The following NREP variants were observed in gnomAD, a reference collection of about 807,000 sequenced individuals.
NREP encodes the protein neuronal regeneration-related protein.
In NREP, 5 loss-of-function variants were observed where a neutral mutation model predicts 8.6. The observed-to-expected ratio is 0.58, with a 90% CI of 0.30 to 1.22. The LOEUF (loss-of-function observed/expected upper bound fraction) is 1.22, where lower values mean the gene tolerates loss of function less well. NREP is among the 50% of genes most tolerant of loss of function. NREP has a pLI of 0.07. For missense variants in NREP, 86 were observed against 82.5 expected, an observed-to-expected ratio of 1.04 and a Z score of -0.17; for synonymous variants, 27 against 28.0, an observed-to-expected ratio of 0.96 and a Z score of 0.11.
At chr5:111,745,555 C>G (rs1464959040) in intron 2 of NREP, among the ~76,000 whole-genome samples, 3 of 152,164 alleles carry the variant, frequency 2.0e-5, no homozygotes, top group Non-Finnish European at 4.4e-5. Flanking sequence ...ACAGTTCCTT[C>G]TCAGATGGCT....
chr5:111,871,394 G>A (rs1026271703), intron 2 of NREP, among the ~76,000 whole-genome samples: 9 of 152,228 alleles, frequency 5.9e-5, no homozygotes, highest in African/African-American at 2.2e-4. Flanking sequence ...GGAGCTTGCA[G>A]GACTAGAAGT....
At chr5:111,765,123 G>C (rs891934081) in intron 2 of NREP, among the ~76,000 whole-genome samples, 5 of 152,112 alleles carry the variant, frequency 3.3e-5, no homozygotes, top group African/African-American at 9.7e-5. Context: ...TGGAAGGTTG[G>C]GGGTATGGTT....
chr5:111,873,810 T>C (rs1753842978), intron 2 of NREP, among the ~76,000 whole-genome samples: 1 of 152,176 alleles, frequency 6.6e-6, no homozygotes, highest in African/African-American at 2.4e-5. Flanking sequence ...TGGATATCTT[T>C]GGTGGGGGGC....
intron 2 of NREP, among the ~76,000 whole-genome samples, chr5:111,737,805 C>T (rs535776741): frequency 1.3e-5 from 2 of 151,534 alleles, no homozygotes; most frequent in South Asian, 4.2e-4. Flanking sequence ...CAGCAAAACA[C>T]ACATGACTAA....
upstream of NREP, among the ~76,000 whole-genome samples, chr5:111,761,078 T>C (rs182112896): frequency 6.2e-4 from 94 of 152,352 alleles, no homozygotes; most frequent in African/African-American, 2.0e-3. Context: ...GGATAAGTCA[T>C]TTAACCTTTT....
chr5:111,844,904 T>A (rs1753121767), intron 2 of NREP, among the ~76,000 whole-genome samples: 2 of 151,566 alleles, frequency 1.3e-5, no homozygotes, highest in Non-Finnish European at 2.9e-5. Context: ...GTGATTGATA[T>A]ATTTATCTAT....
At chr5:111,807,834 A>G (rs1311848428) in intron 2 of NREP, among the ~76,000 whole-genome samples, 1 of 152,182 alleles carries the variant, frequency 6.6e-6, no homozygotes, top group African/African-American at 2.4e-5. Context: ...TTCCACAGAA[A>G]ATGTCTCAAG....
intron 2 of NREP, among the ~76,000 whole-genome samples, chr5:111,922,988 T>G (rs1023323992): frequency 9.9e-5 from 15 of 152,276 alleles, no homozygotes; most frequent in African/African-American, 3.6e-4. Flanking sequence ...CTGATGTCCT[T>G]TACAATGCAT....
chr5:111,855,777 G>C (rs895783633), intron 2 of NREP, among the ~76,000 whole-genome samples: 1 of 152,144 alleles, frequency 6.6e-6, no homozygotes, highest in Non-Finnish European at 1.5e-5. Context: ...CCTAGGGGTT[G>C]CAGGACCAGG....
intron 2 of NREP, among the ~76,000 whole-genome samples, chr5:111,890,836 C>G (rs1260245732): frequency 6.6e-6 from 1 of 152,218 alleles, no homozygotes; most frequent in African/African-American, 2.4e-5. Flanking sequence ...CCTGCTAGGC[C>G]TCCAGGCCTG....
chr5:111,879,956 A>G lies in NREP; in HGVS notation c.135+95318T>C, dbSNP rs546087599. ...TCCCAAAGGTCAGTCTCCAAATATC[A>G]TCACCTTAAGGGCTGGGGCTTCAAC... On this transcript the variant is annotated intron_variant, in intron 2 of 3. Transcript: ENST00000395634. Among the ~76,000 whole-genome samples the G allele has an allele frequency of 1.4e-4, 22 of 152,344 alleles. No homozygotes were observed. The South Asian group carries it at 3.9e-3, about 27-fold the overall frequency.
intron 2 of NREP, among the ~76,000 whole-genome samples, chr5:111,956,613 T>A (rs920416425): frequency 3.3e-5 from 5 of 152,096 alleles, no homozygotes; most frequent in Admixed American, 6.5e-5. Context: ...CAATATTTTT[T>A]AAAAAGCTAG....
At chr5:111,962,555 G>C (rs1166282796) in intron 2 of NREP, among the ~76,000 whole-genome samples, 1 of 152,120 alleles carries the variant, frequency 6.6e-6, no homozygotes, top group Non-Finnish European at 1.5e-5. Context: ...GACAGGGGCA[G>C]GTCCCCAGCA....
In NREP at chr5:111,821,317, G is replaced by A. The variant is rs530845301; in HGVS notation, c.136-85810C>T. Reference sequence around the variant, plus strand: ...CATTTAAGACTATAGAATCTGAAATGTAGCTCCAGACACAAATATTTTTAG... The same window carrying A: ...CATTTAAGACTATAGAATCTGAAATATAGCTCCAGACACAAATATTTTTAG... On this transcript the variant is annotated intron_variant, in intron 2 of 3. Coordinates refer to the NREP transcript ENST00000395634. 9.6e-4 allele frequency among the ~76,000 whole-genome samples: 146 copies of A among 151,962 alleles called. 1 individual carries two copies. The highest frequency in any genetic ancestry group is 3.5e-3 in the African/African-American group (143 of 41,446).
At chr5:111,782,672 A>G (rs947639006) in intron 2 of NREP, among the ~76,000 whole-genome samples, 4 of 152,144 alleles carry the variant, frequency 2.6e-5, no homozygotes, top group African/African-American at 7.2e-5. Flanking sequence ...TTCCCATAAA[A>G]TACACAATAA....
At chr5:111,769,537 G>C (rs1483237089) in intron 2 of NREP, among the ~76,000 whole-genome samples, 1 of 152,174 alleles carries the variant, frequency 6.6e-6, no homozygotes, top group South Asian at 2.1e-4. Context: ...GAAAGATATT[G>C]GGGGAGTGGG....
chr5:111,963,777 G>T (rs185194138), intron 2 of NREP, among the ~76,000 whole-genome samples: 17 of 152,322 alleles, frequency 1.1e-4, no homozygotes, highest in Admixed American at 5.2e-4. Context: ...TACAGGAACA[G>T]AAACTGAGCC....
intron 2 of NREP, among the ~76,000 whole-genome samples, chr5:111,966,947 A>G (rs1756659297): frequency 6.6e-6 from 1 of 152,202 alleles, no homozygotes; most frequent in African/African-American, 2.4e-5. Flanking sequence ...TGTGCCCAAG[A>G]AAGGGTCTAG....
At chr5:111,974,951 G>A (rs559551372) in intron 2 of NREP, among the ~76,000 whole-genome samples, 1 of 152,326 alleles carries the variant, frequency 6.6e-6, no homozygotes, top group Non-Finnish European at 1.5e-5. Context: ...GACCACGTGA[G>A]TTCCAAGAAT....
Sources: allele counts gnomAD v4.1 joint callset (sites outside exome capture counted in the v4.1 genomes callset), GRCh38; gene constraint gnomAD v4.1.1; transcripts MANE v1.5; gene names NCBI Gene and HGNC (gene_info 2026-07-23, HGNC 2026-07-21).